Variants in ANKLE2 observed in about 807,000 individuals in gnomAD.
ANKLE2 encodes the protein ankyrin repeat and LEM domain containing 2.
ANKLE2 carries 55 observed loss-of-function variants against 84.2 expected under a neutral mutation model. The ratio of observed to expected loss-of-function variants is 0.65; its 90% CI spans 0.53 to 0.82. The LOEUF is 0.82. Among genes scored for constraint, ANKLE2 ranks in the 40% least tolerant of loss-of-function variants. The pLI is 0.00. For missense variants in ANKLE2, 1,238 were observed against 1,201.9 expected (o/e 1.03, Z -0.44); for synonymous variants, 551 against 486.1 (o/e 1.13, Z -1.76).
chr12:132,754,559 A>G, intron 2 of ANKLE2, 116 bp downstream of exon 2: 1 of 980,390 alleles, frequency 1.0e-6, no homozygotes, highest in Non-Finnish European at 1.5e-6. Flanking sequence ...GGGTGATGAG[A>G]TGGAGGGGAT....
chr12:132,746,010 G>A (rs372903913), intron 5 of ANKLE2, among the ~76,000 whole-genome samples: 6 of 152,202 alleles, frequency 3.9e-5, no homozygotes, highest in African/African-American at 1.2e-4. Context: ...AGTGGACAGG[G>A]CGGAGGATTT....
In ANKLE2 at chr12:132,761,480, G is replaced by A. The variant is rs2044624109; in HGVS notation, c.181+138C>T. 8 of 763,276 alleles carry A rather than the reference G, an allele frequency of 1.0e-5. No homozygotes were observed. In the South Asian group the frequency reaches 4.1e-4, roughly 39 times the overall value. The allele number at this position is 763,276 out of a possible 1,614,324, so 47.3% of individuals were successfully genotyped here. A position where few individuals can be genotyped will look rare whatever the true frequency, so the allele number is the denominator to read the frequency against. On this transcript the variant is annotated intron_variant, in intron 1 of 12. Transcript: ENST00000357997. ...TTCCGCGGCCGGAATGGCCTTTCCCGACCGGCCCTGGTTTCCCCGGCCGCC... is the reference window on the plus strand; with the variant it reads ...TTCCGCGGCCGGAATGGCCTTTCCCAACCGGCCCTGGTTTCCCCGGCCGCC...
chr12:132,755,175 A>C, intron 1 of ANKLE2, 42 bp from the exon 2 acceptor site: 1 of 1,515,392 alleles, frequency 6.6e-7, no homozygotes, highest in Non-Finnish European at 8.9e-7. Flanking sequence ...CAAAATACTA[A>C]CACCTGCTGA....
At position 132,727,369 on chromosome 12, in the gene ANKLE2, G is replaced by A. The variant is rs201716997; in HGVS notation, c.2690C>T (p.Pro897Leu). ...PDLSGPHSYS[P>L]GRNSVAGSNP... Reference sequence around the variant, plus strand: ...GCTTCCAGCCACGCTGTTTCTCCCCGGACTGTAGCTGTGAGGGCCACTGAG... The same window carrying A: ...GCTTCCAGCCACGCTGTTTCTCCCCAGACTGTAGCTGTGAGGGCCACTGAG... Residue 897 changes from proline to leucine, a missense_variant, in exon 13 of 13, where the codon CCG becomes CTG. Pro to Leu is a moderately conservative substitution (Grantham distance 98). This residue lies in a region of ANKLE2 where 802 missense variants were observed against 774.5 expected (regional missense o/e 1.04). Transcript: ENST00000357997. The A allele has an allele frequency of 3.3e-5, 52 of 1,561,334 alleles. No homozygotes were observed. The East Asian group carries it at 3.8e-4, about 11-fold the overall frequency.
intron 7 of ANKLE2, chr12:132,738,525 T>C (rs1387135195): frequency 7.4e-6 from 1 of 135,682 alleles, no homozygotes; most frequent in Non-Finnish European, 1.6e-5. Context: ...CATAGTTTCA[T>C]AGTTTTTTTT....
chr12:132,747,682 TG>T, intron 5 of ANKLE2, 149 bp downstream of exon 5: 1 of 989,896 alleles, frequency 1.0e-6, no homozygotes, highest in Non-Finnish European at 1.4e-6. Context: ...CAGTGGGATG[TG>T]GTAAGAAGGC....
chr12:132,726,137 T>A lies in ANKLE2; in HGVS notation c.*1105A>T, dbSNP rs2043694615. The A allele has an allele frequency of 6.6e-6, 1 of 152,480 alleles. No individual in the cohort carries two copies. Among genetic ancestry groups the A allele is most frequent in the African/African-American group, 2.4e-5 (1 of 41,438 alleles). The allele number at this position is 152,480 out of a possible 1,614,324, so 9.4% of individuals were successfully genotyped here. A position where few individuals can be genotyped will look rare whatever the true frequency, so the allele number is the denominator to read the frequency against. ...TGGGTTTTCATTTTGGATTAAACACTGGAAATGTTCACAGAGAAACAACTG... is the reference window on the plus strand; with the variant it reads ...TGGGTTTTCATTTTGGATTAAACACAGGAAATGTTCACAGAGAAACAACTG... On this transcript the variant is annotated 3_prime_UTR_variant, in exon 13 of 13. Coordinates refer to ENST00000357997, the MANE Select transcript of ANKLE2 (RefSeq NM_015114.3).
chr12:132,748,231 A>T lies in ANKLE2; in HGVS notation c.948T>A (p.Ala316=). Residue 316 remains alanine, a synonymous_variant, in exon 4 of 13, where the codon GCT becomes GCA. Transcript: ENST00000357997. ...TQDLTAKLRK[A]VEKGEEDTFS... The stretch of plus-strand genomic sequence containing the variant: ...AGGTGTCCTCCTCTCCCTTCTCCAC[A>T]GCTTTCCGAAGCTTGGCGGTGAGGT... 1 of 1,614,122 alleles carries T rather than the reference A, an allele frequency of 6.2e-7. No homozygotes were observed.
In ANKLE2 at chr12:132,727,304, T is replaced by C. The variant is rs868627625; in HGVS notation, c.2755A>G (p.Ser919Gly). The change falls in exon 13 of 13, where the codon AGC becomes GGC. Residue 919 changes from serine (S) to glycine (G), a missense_variant. Ser to Gly is a moderately conservative substitution (Grantham distance 56, BLOSUM62 0). Transcript: ENST00000357997. Reference protein sequence around the residue: ...KPGLGSPGRYSPVHGSQLRRM... With the variant: ...KPGLGSPGRYGPVHGSQLRRM... ...CGGAGCTGGCTCCCGTGCACGGGGC[T>C]GTAGCGCCCAGGACTGCCCAGGCCT... is the stretch of plus-strand genomic sequence containing the variant. The C allele has an allele frequency of 1.9e-6, 3 of 1,565,292 alleles. No individual in the cohort carries two copies. The African/African-American group carries it at 4.1e-5, about 21-fold the overall frequency.
At chr12:132,750,067 T>C (rs969589102) in intron 3 of ANKLE2, among the ~76,000 whole-genome samples, 1 of 151,886 alleles carries the variant, frequency 6.6e-6, no homozygotes, top group African/African-American at 2.4e-5. Context: ...TAGCCGGGTG[T>C]GGCAGTGTGC....
Position 132,741,439 on chromosome 12 carries a change from C to A in ANKLE2, c.1400G>T (p.Arg467Leu). The A allele has an allele frequency of 6.2e-7, 1 of 1,614,202 alleles. No individual in the cohort carries two copies. The highest frequency in any genetic ancestry group is 1.3e-5 in the African/African-American group (1 of 75,054). The change falls in exon 7 of 13, where the codon CGG becomes CTG. Residue 467 changes from arginine to leucine, a missense_variant. Physicochemically the swap from Arg to Leu is moderately radical, Grantham distance 102 (BLOSUM62 -2). Coordinates refer to ENST00000357997, the MANE Select transcript of ANKLE2 (RefSeq NM_015114.3). ...SKNKSVELKE[R>L]IREYLKGHYY... ...CTTACCCTTTAAATACTCTCTGATC[C>A]GCTCCTTCAGTTCCACAGATTTATT... is the stretch of plus-strand genomic sequence containing the variant.
intron 6 of ANKLE2, chr12:132,742,678 C>T (rs1272476702): frequency 8.1e-6 from 1 of 123,876 alleles, no homozygotes; most frequent in African/African-American, 3.0e-5. Flanking sequence ...AATTTAGCTG[C>T]TTTCAGCATC....
rs774399611 is a variant in ANKLE2 at position 132,730,170 on chromosome 12, G to C, written c.1992C>G (p.Pro664=). 42 of 1,608,864 alleles carry C rather than the reference G, an allele frequency of 2.6e-5. No homozygotes were observed. In the African/African-American group the frequency reaches 5.3e-4, roughly 20 times the overall value. The part of the protein sequence containing the change: ...RQNAARNNSP[P]TVGAFGHTRC... Reference sequence around the variant, plus strand: ...TCGTATGTCCAAAAGCACCGACTGTGGGCGGGCTGTTATTTCGAGCTGCAT... The same window carrying C: ...TCGTATGTCCAAAAGCACCGACTGTCGGCGGGCTGTTATTTCGAGCTGCAT... The change falls in exon 11 of 13, where the codon CCC becomes CCG. Residue 664 remains proline, a synonymous_variant. Transcript: ENST00000357997.
chr12:132,753,850 G>C, intron 2 of ANKLE2, among the ~76,000 whole-genome samples: 1 of 152,182 alleles, frequency 6.6e-6, no homozygotes, highest in East Asian at 1.9e-4. Context: ...AGGATCACCT[G>C]AGCCAGAAAG....
chr12:132,728,990 A>G (rs1339143233), intron 11 of ANKLE2, among the ~76,000 whole-genome samples: 1 of 152,072 alleles, frequency 6.6e-6, no homozygotes, highest in Non-Finnish European at 1.5e-5. Flanking sequence ...CCAGAGGAAG[A>G]CCCAGAAAGA....
In ANKLE2 at chr12:132,728,086, G is replaced by A. The variant is rs774140011; in HGVS notation, c.2561C>T (p.Ala854Val). Reference sequence around the variant, plus strand: ...GACAGCACTCTTCCATCTGTGCACGGCCGGGAACTGATGGGGGTCGACGTC... The same window carrying A: ...GACAGCACTCTTCCATCTGTGCACGACCGGGAACTGATGGGGGTCGACGTC... Reference protein sequence around the residue: ...CADVDPHQFPAVHRWKSAVLC... With the variant: ...CADVDPHQFPVVHRWKSAVLC... Residue 854 changes from alanine to valine, a missense_variant, in exon 12 of 13, where the codon GCC becomes GTC. By Grantham distance (64) the Ala-to-Val change is moderately conservative. Around this residue, in one of 3 missense-constraint regions of ANKLE2, gnomAD observed 802 missense variants for 774.5 expected, o/e 1.04. Transcript: ENST00000357997. 1.2e-6 allele frequency: 2 copies of A among 1,612,968 alleles called. No homozygotes were observed. Among genetic ancestry groups the A allele is most frequent in the African/African-American group, 1.3e-5 (1 of 75,040 alleles).
intron 5 of ANKLE2, 93 bp downstream of exon 5, chr12:132,747,739 T>C: frequency 6.8e-7 from 1 of 1,474,834 alleles, no homozygotes; most frequent in Non-Finnish European, 9.1e-7. Flanking sequence ...AAAGTTATTA[T>C]ACTAATGAGT....
intron 10 of ANKLE2, chr12:132,732,189 GCGCTC>G: frequency 7.0e-6 from 1 of 143,746 alleles, no homozygotes; most frequent in African/African-American, 2.6e-5. Flanking sequence ...ACCGTGTGAA[GCGCTC>G]TGCGTCCTGG....
chr12:132,733,587 A>T (rs1168660748), intron 10 of ANKLE2, among the ~76,000 whole-genome samples: 3 of 149,314 alleles, frequency 2.0e-5, no homozygotes, highest in African/African-American at 7.5e-5. Flanking sequence ...GCACCGTGTG[A>T]AGCACTCTGC....
Sources: allele counts gnomAD v4.1 joint callset (sites outside exome capture counted in the v4.1 genomes callset), GRCh38; gene constraint gnomAD v4.1.1; regional missense constraint gnomAD v4.1.1; transcripts MANE v1.5; gene names NCBI Gene and HGNC (gene_info 2026-07-23, HGNC 2026-07-21).